The following PAPOLB variants were observed in gnomAD, a reference collection of about 807,000 sequenced individuals.
The protein encoded by PAPOLB is PAP-beta.
PAPOLB carries 19 observed loss-of-function variants against 23.2 expected under a neutral mutation model. The observed-to-expected ratio is 0.82, with a 90% CI of 0.57 to 1.20. The LOEUF (loss-of-function observed/expected upper bound fraction) is 1.20. Ranked by LOEUF, PAPOLB falls within the 50% of genes most tolerant of loss-of-function variation. PAPOLB has a pLI of 0.00. For missense variants in PAPOLB, 822 were observed against 776.8 expected (o/e 1.06, Z -0.69); for synonymous variants, 360 against 290.7 (o/e 1.24, Z -2.43).
Position 4,857,934 on chromosome 7 carries a change from T to C in PAPOLB, c.*1963A>G, listed in dbSNP as rs188215866. On this transcript the variant is annotated 3_prime_UTR_variant, in exon 1 of 1. Transcript: ENST00000404991. ...AAAAAGTCCCAAGGTTCCAGCTTGG[T>C]AAAACAGACACAGTTACAGGTAATG... 1.8e-4 allele frequency: 27 copies of C among 152,736 alleles called. No homozygotes were observed. In the East Asian group the frequency reaches 4.6e-3, roughly 26 times the overall value. 9.5% of individuals were successfully genotyped at this position (152,736 alleles called of 1,614,324 possible). A position where few individuals can be genotyped will look rare whatever the true frequency, so the allele number is the denominator to read the frequency against.
Position 4,861,194 on chromosome 7 carries a change from C to A in PAPOLB, c.617G>T (p.Arg206Leu), listed in dbSNP as rs369120981. 3.1e-6 allele frequency: 5 copies of A among 1,614,186 alleles called. No individual in the cohort carries two copies. Among genetic ancestry groups the A allele is most frequent in the East Asian group, 2.2e-5 (1 of 44,886 alleles). ...IRCIRSLNGC[R>L]VTDEILHLVP... ...TAGATGTAAAATTTCATCGGTTACC[C>A]GGCAACCATTAAGGCTTCTTATGCA... The change falls in exon 1 of 1, where the codon CGG becomes CTG. Residue 206 changes from arginine to leucine, a missense_variant. By Grantham distance (102) the Arg-to-Leu change is moderately radical. Coordinates refer to ENST00000404991, the MANE Select transcript of PAPOLB (RefSeq NM_020144.5).
rs1295032306 is a variant in PAPOLB at position 4,860,103 on chromosome 7, T to C, written c.1708A>G (p.Ile570Val). 5.6e-6 allele frequency: 9 copies of C among 1,613,948 alleles called. No homozygotes were observed. The highest frequency in any genetic ancestry group is 2.7e-5 in the African/African-American group (2 of 74,952). The change falls in exon 1 of 1, where the codon ATA becomes GTA. Residue 570 changes from isoleucine (I) to valine (V), a missense_variant. Around this residue, in one of 3 missense-constraint regions of PAPOLB, gnomAD observed 534 missense variants for 502.8 expected, o/e 1.06. Coordinates refer to ENST00000404991, the MANE Select transcript of PAPOLB (RefSeq NM_020144.5). Reference protein sequence around the residue: ...LAVMTASVANIQATEFSLQQV... With the variant: ...LAVMTASVANVQATEFSLQQV... ...TGCAAGGAAAATTCAGTAGCCTGTA[T>C]GTTAGCCACAGATGCTGTCATTACA...
In PAPOLB at chr7:4,859,064, T is replaced by G. The variant is rs34928860; in HGVS notation, c.*833A>C. 41,434 of 152,030 alleles carry G rather than the reference T, an allele frequency of 0.27. 5,824 individuals are homozygous for G. The highest frequency in any genetic ancestry group is 0.38 in the East Asian group (1,973 of 5,170). 9.4% of individuals were successfully genotyped at this position (152,030 alleles called of 1,614,324 possible). On this transcript the variant is annotated 3_prime_UTR_variant, in exon 1 of 1. Coordinates refer to ENST00000404991, the MANE Select transcript of PAPOLB (RefSeq NM_020144.5). The stretch of plus-strand genomic sequence containing the variant: ...GCCATCAAAACCAAAGACCTACTAA[T>G]GGTTGATGTCAAAAACATACCTTAA...
In PAPOLB at chr7:4,859,346, C is replaced by T. The variant is rs1016559618; in HGVS notation, c.*551G>A. On this transcript the variant is annotated 3_prime_UTR_variant, in exon 1 of 1. Transcript: ENST00000404991. ...ATACCAGTTTGTATTGCATATTTTCCCAACAATGCATCAAGCATAAATCCA... is the reference window on the plus strand; with the variant it reads ...ATACCAGTTTGTATTGCATATTTTCTCAACAATGCATCAAGCATAAATCCA... The T allele has an allele frequency of 6.5e-6, 1 of 152,932 alleles. No homozygotes were observed. The highest frequency in any genetic ancestry group is 2.4e-5 in the African/African-American group (1 of 41,430). 9.5% of individuals were successfully genotyped at this position (152,932 alleles called of 1,614,324 possible).
At position 4,859,813 on chromosome 7, in the gene PAPOLB, T is replaced by C. The variant is rs955985816; in HGVS notation, c.*84A>G. 1.3e-6 allele frequency: 1 copy of C among 796,732 alleles called. No individual in the cohort carries two copies. Among genetic ancestry groups the C allele is most frequent in the Non-Finnish European group, 2.0e-6 (1 of 493,066 alleles). The allele number at this position is 796,732 out of a possible 1,614,324, so 49.4% of individuals were successfully genotyped here. A position where few individuals can be genotyped will look rare whatever the true frequency, so the allele number is the denominator to read the frequency against. ...AATTTTTCTAATGGAGTTGTACTTG[T>C]CTTTGTATTGAGTTTCTCCTCTTCC... On this transcript the variant is annotated 3_prime_UTR_variant, in exon 1 of 1. Transcript: ENST00000404991.
Position 4,860,710 on chromosome 7 carries a change from G to C in PAPOLB, c.1101C>G (p.Ser367Arg). The C allele has an allele frequency of 1.2e-6, 2 of 1,613,944 alleles. No individual in the cohort carries two copies. The highest frequency in any genetic ancestry group is 1.7e-6 in the Non-Finnish European group (2 of 1,179,930). Residue 367 changes from serine (S) to arginine (R), a missense_variant, in exon 1 of 1, where the codon AGC (serine) becomes AGG (arginine). Physicochemically the swap from Ser to Arg is moderately radical, Grantham distance 110 (BLOSUM62 -1). Around this residue, in one of 3 missense-constraint regions of PAPOLB, gnomAD observed 534 missense variants for 502.8 expected, o/e 1.06. Coordinates refer to ENST00000404991, the MANE Select transcript of PAPOLB (RefSeq NM_020144.5). Reference sequence around the variant, plus strand: ...TATAATGCTTGTACTTTTGAAAGAAGCTTGGAGCTTCAAAGAGTTTGGACC... The same window carrying C: ...TATAATGCTTGTACTTTTGAAAGAACCTTGGAGCTTCAAAGAGTTTGGACC... ...AEWSKLFEAPSFFQKYKHYIV... is the reference protein window; with the variant it reads ...AEWSKLFEAPRFFQKYKHYIV...
Position 4,858,474 on chromosome 7 carries a change from G to A in PAPOLB, c.*1423C>T, listed in dbSNP as rs1205701356. 2 of 152,538 alleles carry A rather than the reference G, an allele frequency of 1.3e-5. No individual in the cohort carries two copies. The highest frequency in any genetic ancestry group is 1.5e-5 in the Non-Finnish European group (1 of 68,006). 9.4% of individuals were successfully genotyped at this position (152,538 alleles called of 1,614,324 possible). On this transcript the variant is annotated 3_prime_UTR_variant, in exon 1 of 1. Transcript: ENST00000404991. ...TGTAGACTAAAAGAGCAGAAAGCCAGTAAGATGTCAAGTGCTTGCTAGAAA... is the reference window on the plus strand; with the variant it reads ...TGTAGACTAAAAGAGCAGAAAGCCAATAAGATGTCAAGTGCTTGCTAGAAA...
chr7:4,861,948 C>A lies in PAPOLB; in HGVS notation c.-138G>T. Reference sequence around the variant, plus strand: ...CGACCCCACTCCCACTCCCGCTGCGCGCCCGCCGCTTCAGGAGCTTCTCCT... The same window carrying A: ...CGACCCCACTCCCACTCCCGCTGCGAGCCCGCCGCTTCAGGAGCTTCTCCT... On this transcript the variant is annotated 5_prime_UTR_variant, in exon 1 of 1. Transcript: ENST00000404991. 2.1e-6 allele frequency: 1 copy of A among 487,088 alleles called. No homozygotes were observed. The highest frequency in any genetic ancestry group is 3.5e-6 in the Non-Finnish European group (1 of 288,824). The allele number at this position is 487,088 out of a possible 1,614,324, so 30.2% of individuals were successfully genotyped here. A position where few individuals can be genotyped will look rare whatever the true frequency, so the allele number is the denominator to read the frequency against.
In PAPOLB at chr7:4,860,949, G is replaced by C; in HGVS notation, c.862C>G (p.Leu288Val). 2 of 1,614,174 alleles carry C rather than the reference G, an allele frequency of 1.2e-6. No individual in the cohort carries two copies. Among genetic ancestry groups the C allele is most frequent in the Non-Finnish European group, 1.7e-6 (2 of 1,180,036 alleles). Residue 288 changes from leucine (L) to valine (V), a missense_variant, in exon 1 of 1, where the codon CTG (leucine) becomes GTG (valine). By Grantham distance (32) the Leu-to-Val change is conservative. Coordinates refer to ENST00000404991, the MANE Select transcript of PAPOLB (RefSeq NM_020144.5). Reference sequence around the variant, plus strand: ...AGATTCCGTTCTTCAGGCTCCTTCAGTAACACTGGGTTTGGCCATTCCCAT... The same window carrying C: ...AGATTCCGTTCTTCAGGCTCCTTCACTAACACTGGGTTTGGCCATTCCCAT... ...SEWEWPNPVL[L>V]KEPEERNLNL...
Position 4,859,758 on chromosome 7 carries a change from C to T in PAPOLB, c.*139G>A. ...CCGGAAAGATCTATACTGATGTTCCCTGAGAGGCCAATAGAGAAGATGCTG... is the reference window on the plus strand; with the variant it reads ...CCGGAAAGATCTATACTGATGTTCCTTGAGAGGCCAATAGAGAAGATGCTG... On this transcript the variant is annotated 3_prime_UTR_variant, in exon 1 of 1. Coordinates refer to ENST00000404991, the MANE Select transcript of PAPOLB (RefSeq NM_020144.5). The T allele has an allele frequency of 1.6e-6, 1 of 620,892 alleles. No homozygotes were observed. Among genetic ancestry groups the T allele is most frequent in the Non-Finnish European group, 2.9e-6 (1 of 350,634 alleles). The allele number at this position is 620,892 out of a possible 1,614,324, so 38.5% of individuals were successfully genotyped here.
Position 4,861,923 on chromosome 7 carries a change from C to T in PAPOLB, c.-113G>A. Reference sequence around the variant, plus strand: ...GGCAGGGCTTCTAGCTGCCCTGGTCCGACCCCACTCCCACTCCCGCTGCGC... The same window carrying T: ...GGCAGGGCTTCTAGCTGCCCTGGTCTGACCCCACTCCCACTCCCGCTGCGC... On this transcript the variant is annotated 5_prime_UTR_variant, in exon 1 of 1. Coordinates refer to ENST00000404991, the MANE Select transcript of PAPOLB (RefSeq NM_020144.5). 1 of 619,264 alleles carries T rather than the reference C, an allele frequency of 1.6e-6. No homozygotes were observed. The highest frequency in any genetic ancestry group is 2.5e-6 in the Non-Finnish European group (1 of 402,270). 38.4% of individuals were successfully genotyped at this position (619,264 alleles called of 1,614,324 possible). A position where few individuals can be genotyped will look rare whatever the true frequency, so the allele number is the denominator to read the frequency against.
Position 4,858,692 on chromosome 7 carries a change from A to G in PAPOLB, c.*1205T>C, listed in dbSNP as rs1783896463. The G allele has an allele frequency of 6.6e-6, 1 of 152,638 alleles. No homozygotes were observed. The highest frequency in any genetic ancestry group is 2.4e-5 in the African/African-American group (1 of 41,470). The allele number at this position is 152,638 out of a possible 1,614,324, so 9.5% of individuals were successfully genotyped here. A position where few individuals can be genotyped will look rare whatever the true frequency, so the allele number is the denominator to read the frequency against. The stretch of plus-strand genomic sequence containing the variant: ...TATGCAGTGATCAAATGGTCATCCA[A>G]GATCAGAAACATATCTCATAGACAT... On this transcript the variant is annotated 3_prime_UTR_variant, in exon 1 of 1. Transcript: ENST00000404991.
chr7:4,861,666 G>T lies in PAPOLB; in HGVS notation c.145C>A (p.Pro49Thr). ...TCTTCCTCTTCGAAGACCCCGAAGG[G>T]CCTGAGGGTTTCTATTAGCCTCTGG... is the stretch of plus-strand genomic sequence containing the variant. ...LTQRLIETLR[P>T]FGVFEEEEEL... The change falls in exon 1 of 1, where the codon CCC becomes ACC. Residue 49 changes from proline (P) to threonine (T), a missense_variant. Coordinates refer to ENST00000404991, the MANE Select transcript of PAPOLB (RefSeq NM_020144.5). 6.2e-7 allele frequency: 1 copy of T among 1,601,390 alleles called. No homozygotes were observed. The highest frequency in any genetic ancestry group is 8.5e-7 in the Non-Finnish European group (1 of 1,174,070).
Position 4,861,713 on chromosome 7 carries a change from T to C in PAPOLB, c.98A>G (p.Lys33Arg), listed in dbSNP as rs1202911485. 2.5e-6 allele frequency: 4 copies of C among 1,569,240 alleles called. No individual in the cohort carries two copies. The Admixed American group carries it at 5.8e-5, about 23-fold the overall frequency. The change falls in exon 1 of 1, where the codon AAG (lysine) becomes AGG (arginine). Residue 33 changes from lysine (K) to arginine (R), a missense_variant. By Grantham distance (26) the Lys-to-Arg change is conservative. This residue lies in a region of PAPOLB where 276 missense variants were observed against 243.9 expected (regional missense o/e 1.13). Transcript: ENST00000404991. ...CTGGGTGAGGAGGCAGTCCGTCTCC[T>C]TGGGGACCGCTAGACTGATAGGCGA... is the stretch of plus-strand genomic sequence containing the variant. ...VSSPISLAVPKETDCLLTQRL... is the reference protein window; with the variant it reads ...VSSPISLAVPRETDCLLTQRL...
At position 4,857,840 on chromosome 7, in the gene PAPOLB, G is replaced by A. The variant is rs1293399921; in HGVS notation, c.*2057C>T. On this transcript the variant is annotated 3_prime_UTR_variant, in exon 1 of 1. Coordinates refer to ENST00000404991, the MANE Select transcript of PAPOLB (RefSeq NM_020144.5). ...AGGAGTACAGATACCATAAAACAAA[G>A]CAAACTCCACTCACTAGGTACATCA... 6.6e-6 allele frequency: 1 copy of A among 152,486 alleles called. No homozygotes were observed. The highest frequency in any genetic ancestry group is 6.6e-5 in the Admixed American group (1 of 15,250). The allele number at this position is 152,486 out of a possible 1,614,324, so 9.4% of individuals were successfully genotyped here. A position where few individuals can be genotyped will look rare whatever the true frequency, so the allele number is the denominator to read the frequency against.
chr7:4,860,454 G>A lies in PAPOLB; in HGVS notation c.1357C>T (p.Leu453Phe). The change falls in exon 1 of 1, where the codon CTC becomes TTC. Residue 453 changes from leucine (L) to phenylalanine (F), a missense_variant. Transcript: ENST00000404991. ...GLKKPDNSEI[L>F]SIDLTYDIQS... is the part of the protein sequence containing the mutation. ...ATATCATAGGTGAGATCAATGCTGAGAATTTCAGAATTATCTGGCTTTTTT... is the reference window on the plus strand; with the variant it reads ...ATATCATAGGTGAGATCAATGCTGAAAATTTCAGAATTATCTGGCTTTTTT... 6.2e-7 allele frequency: 1 copy of A among 1,614,156 alleles called. No homozygotes were observed. Among genetic ancestry groups the A allele is most frequent in the Non-Finnish European group, 8.5e-7 (1 of 1,179,996 alleles).
Position 4,858,236 on chromosome 7 carries a change from GTAAT to G in PAPOLB, c.*1657_*1660del, listed in dbSNP as rs1474257891. ...AATGCAGGACAGGAAAAGAGTTTAA[GTAAT>G]TGCAGTTTAACATGAAAAGTGCAGA... On this transcript the variant is annotated 3_prime_UTR_variant, in exon 1 of 1. Coordinates refer to ENST00000404991, the MANE Select transcript of PAPOLB (RefSeq NM_020144.5). 6.6e-6 allele frequency: 1 copy of G among 152,196 alleles called. No individual in the cohort carries two copies. Among genetic ancestry groups the G allele is most frequent in the Non-Finnish European group, 1.5e-5 (1 of 68,012 alleles). The allele number at this position is 152,196 out of a possible 1,614,324, so 9.4% of individuals were successfully genotyped here.
rs1783941175 is a variant in PAPOLB, at chr7:4,860,065, G to C, written c.1746C>G (p.Thr582=). 1 of 1,613,972 alleles carries C rather than the reference G, an allele frequency of 6.2e-7. No homozygotes were observed. Residue 582 remains threonine, a synonymous_variant, in exon 1 of 1, where the codon ACC becomes ACG. Transcript: ENST00000404991. ...TTAATGCAACCCCTGAACTTTCATT[G>C]GTATTCACCTGTTGCAAGGAAAATT... ...ATEFSLQQVN[T]NESSGVALNE...
Position 4,859,760 on chromosome 7 carries a change from G to C in PAPOLB, c.*137C>G. 1.6e-6 allele frequency: 1 copy of C among 622,006 alleles called. No individual in the cohort carries two copies. The highest frequency in any genetic ancestry group is 2.8e-6 in the Non-Finnish European group (1 of 351,326). 38.5% of individuals were successfully genotyped at this position (622,006 alleles called of 1,614,324 possible). ...GGAAAGATCTATACTGATGTTCCCTGAGAGGCCAATAGAGAAGATGCTGTC... is the reference window on the plus strand; with the variant it reads ...GGAAAGATCTATACTGATGTTCCCTCAGAGGCCAATAGAGAAGATGCTGTC... On this transcript the variant is annotated 3_prime_UTR_variant, in exon 1 of 1. Coordinates refer to ENST00000404991, the MANE Select transcript of PAPOLB (RefSeq NM_020144.5).
Sources: allele counts gnomAD v4.1 joint callset, GRCh38; gene constraint gnomAD v4.1.1; regional missense constraint gnomAD v4.1.1; transcripts MANE v1.5; gene names NCBI Gene and HGNC (gene_info 2026-07-23, HGNC 2026-07-21).